Variants in COL9A3 observed in about 807,000 individuals in gnomAD.
COL9A3 encodes the protein collagen alpha-3(IX) chain.
A neutral mutation model predicts 110.2 loss-of-function variants in COL9A3; 82 were observed. That is an observed-to-expected ratio of 0.74 (90% CI 0.62 to 0.89). The LOEUF (loss-of-function observed/expected upper bound fraction) is 0.89. Among genes scored for constraint, COL9A3 ranks in the 40% least tolerant of loss-of-function variants. COL9A3 has a pLI of 0.00. For synonymous variants in COL9A3, 494 were observed against 403.8 expected, an observed-to-expected ratio of 1.22 and a Z score of -2.68; for missense variants, 1,066 against 981.3, an observed-to-expected ratio of 1.09 and a Z score of -1.15.
intron 22 of COL9A3, 58 bp downstream of exon 22, chr20:62,829,877 C>T: frequency 6.6e-7 from 1 of 1,525,918 alleles, no homozygotes; most frequent in Middle Eastern, 2.2e-4. Flanking sequence ...TGGCACATGG[C>T]CCCAGTTTCT....
chr20:62,825,541 G>A, intron 12 of COL9A3: 1 of 566,462 alleles, frequency 1.8e-6, no homozygotes, highest in Admixed American at 3.1e-5. Context: ...CACATCAGAG[G>A]GGTCCCTGCT....
intron 31 of COL9A3, among the ~76,000 whole-genome samples, chr20:62,840,328 G>A (rs1477058531): frequency 2.0e-5 from 3 of 152,100 alleles, no homozygotes; most frequent in South Asian, 4.2e-4. Context: ...CCCTGCCTGG[G>A]GCTGGCCGCG....
chr20:62,829,938 G>A (rs1180272041), intron 22 of COL9A3, 119 bp downstream of exon 22: 1 of 1,307,134 alleles, frequency 7.7e-7, no homozygotes, highest in East Asian at 2.5e-5. Flanking sequence ...GCCCACAAAA[G>A]CCTAGGATGC....
rs2249903 is a variant in COL9A3, at chr20:62,828,772, G to A, written c.909G>A (p.Pro303=). 251,501 of 1,612,788 alleles carry A rather than the reference G, an allele frequency of 0.16. 21,276 individuals are homozygous for A. Among genetic ancestry groups the A allele is most frequent in the Non-Finnish European group, 0.18 (207,481 of 1,179,898 alleles). ...VAGPSGEPGM[P]GKDGQNGVPG... The stretch of plus-strand genomic sequence containing the variant: ...TCATCCCTTGTCCCCAGGGCATGCC[G>A]GGCAAGGACGGCCAGAATGGCGTGC... Residue 303 remains proline (P), a synonymous_variant, in exon 18 of 32, where the codon CCG becomes CCA. Transcript: ENST00000649368.
rs1277642580 is a variant in COL9A3, at chr20:62,829,451, G to T, written c.1009-4G>T. The T allele has an allele frequency of 6.2e-7, 1 of 1,612,748 alleles. No homozygotes were observed. Among genetic ancestry groups the T allele is most frequent in the African/African-American group, 1.3e-5 (1 of 75,058 alleles). On this transcript the variant is annotated splice_polypyrimidine_tract_variant and splice_region_variant and intron_variant, in intron 19 of 31. Coordinates refer to ENST00000649368, the MANE Select transcript of COL9A3 (RefSeq NM_001853.4). ...AGCCCTGACCGCAAGCTCTCTCCTG[G>T]CAGGGCCTCCCTGGACGAGCGGGGT... is the stretch of plus-strand genomic sequence containing the variant.
chr20:62,822,213 A>G lies in COL9A3; in HGVS notation c.477+49A>G, dbSNP rs765984030. The G allele has an allele frequency of 1.1e-5, 11 of 1,043,640 alleles. No homozygotes were observed. In the East Asian group the frequency reaches 2.4e-4, roughly 22 times the overall value. The allele number at this position is 1,043,640 out of a possible 1,614,324, so 64.6% of individuals were successfully genotyped here. ...AGAAGTGCTGGGCATGGACTAGGAC[A>G]CTGGGTTGGACCCTCCCCATTCCCC... On this transcript the variant is annotated intron_variant, in intron 9 of 31. Transcript: ENST00000649368.
At chr20:62,839,147 C>G (rs1486902955) in intron 31 of COL9A3, among the ~76,000 whole-genome samples, 2 of 152,042 alleles carry the variant, frequency 1.3e-5, no homozygotes, top group Non-Finnish European at 2.9e-5. Flanking sequence ...ATCGCTTGAA[C>G]CCGGGAGGCG....
At chr20:62,837,681 C>T (rs965206671) in intron 30 of COL9A3, among the ~76,000 whole-genome samples, 4 of 152,026 alleles carry the variant, frequency 2.6e-5, no homozygotes, top group Non-Finnish European at 2.9e-5. Context: ...GTGGCACACG[C>T]CTGTAATCCC....
At chr20:62,834,678 C>G (rs2063621626) in intron 26 of COL9A3, among the ~76,000 whole-genome samples, 1 of 151,944 alleles carries the variant, frequency 6.6e-6, no homozygotes, top group Admixed American at 6.6e-5. Context: ...GAGTCTTGCT[C>G]TGTCCCCAGG....
intron 26 of COL9A3, among the ~76,000 whole-genome samples, chr20:62,835,485 C>A (rs1176729228): frequency 1.3e-5 from 2 of 152,188 alleles, no homozygotes; most frequent in East Asian, 3.8e-4. Flanking sequence ...AGTGCAGTGG[C>A]CGTTCAATTG....
intron 4 of COL9A3, 138 bp from the exon 5 acceptor site, chr20:62,819,791 G>A: frequency 1.1e-6 from 1 of 936,326 alleles, no homozygotes; most frequent in Non-Finnish European, 1.7e-6. Context: ...ACAGGGCCAA[G>A]AGAGGAGGCT....
rs55771770 is a variant in COL9A3 at position 62,828,737 on chromosome 20, C to T, written c.901-27C>T. 0.059 allele frequency: 94,876 copies of T among 1,611,800 alleles called. 3,105 individuals carry two copies. The highest frequency in any genetic ancestry group is 0.067 in the Non-Finnish European group (78,697 of 1,179,298). On this transcript the variant is annotated intron_variant, in intron 17 of 31. Coordinates refer to ENST00000649368, the MANE Select transcript of COL9A3 (RefSeq NM_001853.4). Reference sequence around the variant, plus strand: ...GGGAGGGAGGGGGGCCACTGCCCGACGGGCCTTACTCATCCCTTGTCCCCA... The same window carrying T: ...GGGAGGGAGGGGGGCCACTGCCCGATGGGCCTTACTCATCCCTTGTCCCCA...
chr20:62,821,445 G>A, intron 6 of COL9A3, 62 bp from the exon 7 acceptor site: 1 of 1,607,506 alleles, frequency 6.2e-7, no homozygotes, highest in Non-Finnish European at 8.5e-7. Flanking sequence ...CCATCTTAGG[G>A]AGGGGTGAGG....
At chr20:62,830,496 A>T (rs1180229339) in intron 23 of COL9A3, 21 bp from the exon 24 acceptor site, 1 of 1,606,174 alleles carries the variant, frequency 6.2e-7, no homozygotes, top group Non-Finnish European at 8.5e-7. Flanking sequence ...GGCACTGACG[A>T]GCCAGGACCT....
chr20:62,816,297 C>A (rs1037762437), upstream of COL9A3: 2 of 152,300 alleles, frequency 1.3e-5, no homozygotes, highest in African/African-American at 4.8e-5. Context: ...GGGAAATGGA[C>A]ATGGCCAGCA....
chr20:62,826,181 G>A (rs1362805744), intron 13 of COL9A3, 23 bp from the exon 14 acceptor site: 1 of 1,554,272 alleles, frequency 6.4e-7, no homozygotes, highest in Admixed American at 1.9e-5. Flanking sequence ...CCCAGCCTCT[G>A]CATCTGTGCC....
chr20:62,834,914 C>T (rs2063623725), intron 26 of COL9A3, among the ~76,000 whole-genome samples: 1 of 152,264 alleles, frequency 6.6e-6, no homozygotes, highest in Admixed American at 6.5e-5. Flanking sequence ...GCTGGGATTA[C>T]AGGCGTGAGC....
At chr20:62,836,611 C>A in intron 29 of COL9A3, 79 bp downstream of exon 29, 1 of 1,415,520 alleles carries the variant, frequency 7.1e-7, no homozygotes, top group Non-Finnish European at 9.6e-7. Flanking sequence ...CACAGAAAGC[C>A]TTCGTGCCAC....
intron 31 of COL9A3, among the ~76,000 whole-genome samples, 191 bp from the exon 32 acceptor site, chr20:62,840,351 C>T (rs1431004332): frequency 2.0e-5 from 3 of 151,944 alleles, no homozygotes; most frequent in Admixed American, 6.5e-5. Context: ...TGGCCTTCCC[C>T]GGACACTCCC....
Sources: allele counts gnomAD v4.1 joint callset (sites outside exome capture counted in the v4.1 genomes callset), GRCh38; gene constraint gnomAD v4.1.1; transcripts MANE v1.5; gene names NCBI Gene and HGNC (gene_info 2026-07-23, HGNC 2026-07-21).